Variants in SSH3 observed in about 807,000 individuals in gnomAD.
SSH3 encodes protein phosphatase Slingshot homolog 3.
Under a neutral mutation model 75.0 loss-of-function variants are expected in SSH3, and 67 were observed. The observed-to-expected ratio is 0.89, with a 90% CI of 0.73 to 1.10. SSH3 has a LOEUF of 1.10. Among genes scored for constraint, SSH3 ranks in the 50% least tolerant of loss-of-function variants. The pLI is 0.00. For missense variants in SSH3, 824 were observed against 872.7 expected (o/e 0.94, Z 0.70); for synonymous variants, 318 against 349.2 (o/e 0.91, Z 1.00).
intron 3 of SSH3, among the ~76,000 whole-genome samples, chr11:67,306,242 T>A (rs1484057947): frequency 1.3e-5 from 2 of 151,320 alleles, no homozygotes; most frequent in Non-Finnish European, 1.5e-5. Context: ...TGAGCTGAGA[T>A]TGCGCCACTG....
At position 67,307,041 on chromosome 11, in the gene SSH3, G is replaced by C. The variant is rs1397828465; in HGVS notation, c.465-1G>C. Reference sequence around the variant, plus strand: ...ATGGCTTTCCCTCTGTCCCCTGCCAGCTCCCCCAGCTGCACCCTGGGCCTG... The same window carrying C: ...ATGGCTTTCCCTCTGTCCCCTGCCACCTCCCCCAGCTGCACCCTGGGCCTG... On this transcript the variant is annotated splice_acceptor_variant, in intron 4 of 13. Transcript: ENST00000308127. LOFTEE classifies it high-confidence loss of function. This position sits in a 1 kb window ranked among gnomAD's most constrained non-coding sequence, Gnocchi z 4.2. 3.7e-6 allele frequency: 6 copies of C among 1,613,920 alleles called. No homozygotes were observed. Among genetic ancestry groups the C allele is most frequent in the Non-Finnish European group, 5.1e-6 (6 of 1,179,964 alleles).
Position 67,307,668 on chromosome 11 carries a change from G to C in SSH3, c.722G>C (p.Ser241Thr), listed in dbSNP as rs1861284812. 6.2e-7 allele frequency: 1 copy of C among 1,613,934 alleles called. No individual in the cohort carries two copies. The highest frequency in any genetic ancestry group is 1.3e-5 in the African/African-American group (1 of 74,946). Residue 241 changes from serine (S) to threonine (T), a missense_variant, in exon 7 of 14, where the codon AGC (serine) becomes ACC (threonine). Coordinates refer to ENST00000308127, the MANE Select transcript of SSH3 (RefSeq NM_017857.4). This position sits in a 1 kb window ranked among gnomAD's most constrained non-coding sequence, Gnocchi z 4.2. ...CAGGAGAGACTGAACTCCGAACAGA[G>C]CTGCCTCAATGAGTGGACGGCTATG... ...HYQERLNSEQ[S>T]CLNEWTAMAD...
At chr11:67,309,025 G>A (rs1428210430) in intron 10 of SSH3, among the ~76,000 whole-genome samples, 1 of 152,196 alleles carries the variant, frequency 6.6e-6, no homozygotes. Context: ...GCTCTGACAG[G>A]TACCTGTCAT....
In SSH3 at chr11:67,311,901, C is replaced by T. The variant is rs1214830208; in HGVS notation, c.*14C>T. 3.7e-6 allele frequency: 6 copies of T among 1,604,598 alleles called. No individual in the cohort carries two copies. In the Admixed American group the frequency reaches 1.1e-4, roughly 28 times the overall value. On this transcript the variant is annotated 3_prime_UTR_variant, in exon 14 of 14. Coordinates refer to ENST00000308127, the MANE Select transcript of SSH3 (RefSeq NM_017857.4). ...GGCGAGGCCTGAGCCCTCACACATG[C>T]CCACGCTCCCCTGACACTGAAGAGG...
intron 1 of SSH3, 53 bp downstream of exon 1, chr11:67,303,744 G>A (rs1017321762): frequency 1.6e-5 from 23 of 1,418,066 alleles, no homozygotes; most frequent in Non-Finnish European, 6.4e-6. Flanking sequence ...CCCGGCTTGG[G>A]AGCGCGTCCT....
intron 13 of SSH3, among the ~76,000 whole-genome samples, chr11:67,310,549 G>T (rs970649840): frequency 6.6e-6 from 1 of 152,188 alleles, no homozygotes; most frequent in Non-Finnish European, 1.5e-5. Context: ...AGCACCCGGC[G>T]TCTCCAGCCT....
rs201338624 is a variant in SSH3, at chr11:67,303,683, G to A, written c.58G>A (p.Gly20Arg). ...GGGCAGCGGCGCCTCCACGCCCGTG[G>A]GGCCCTGGGTGAGTGTGGTCCGGCC... Reference protein sequence around the residue: ...PPGSGASTPVGPWDQAVQRRS... With the variant: ...PPGSGASTPVRPWDQAVQRRS... Residue 20 changes from glycine (G) to arginine (R), a missense_variant, in exon 1 of 14, where the codon GGG becomes AGG. Gly to Arg is a moderately radical substitution (Grantham distance 125). Coordinates refer to ENST00000308127, the MANE Select transcript of SSH3 (RefSeq NM_017857.4). 25 of 1,510,434 alleles carry A rather than the reference G, an allele frequency of 1.7e-5. No homozygotes were observed. In the East Asian group the frequency reaches 6.7e-4, roughly 40 times the overall value. The allele number at this position is 1,510,434 out of a possible 1,614,324, so 93.6% of individuals were successfully genotyped here.
Position 67,308,543 on chromosome 11 carries a change from C to G in SSH3, c.1061+85C>G. ...ATTGGGTGGTAGCCAGCTTCAAAAACCCCTGGACCACCCTCAGCAGCTGCT... is the reference window on the plus strand; with the variant it reads ...ATTGGGTGGTAGCCAGCTTCAAAAAGCCCTGGACCACCCTCAGCAGCTGCT... On this transcript the variant is annotated intron_variant, in intron 10 of 13. Coordinates refer to ENST00000308127, the MANE Select transcript of SSH3 (RefSeq NM_017857.4). This position sits in a 1 kb window ranked among gnomAD's most constrained non-coding sequence, Gnocchi z 4.9. 1.3e-6 allele frequency: 2 copies of G among 1,512,124 alleles called. No homozygotes were observed. Among genetic ancestry groups the G allele is most frequent in the Non-Finnish European group, 1.8e-6 (2 of 1,115,326 alleles). 93.7% of individuals were successfully genotyped at this position (1,512,124 alleles called of 1,614,324 possible).
chr11:67,308,568 T>A lies in SSH3; in HGVS notation c.1061+110T>A. On this transcript the variant is annotated intron_variant, in intron 10 of 13. Coordinates refer to ENST00000308127, the MANE Select transcript of SSH3 (RefSeq NM_017857.4). This position sits in a 1 kb window ranked among gnomAD's most constrained non-coding sequence, Gnocchi z 4.9. ...CCCCTGGACCACCCTCAGCAGCTGCTAGCTCTGCTTCTAACTCTGTCCTGG... is the reference window on the plus strand; with the variant it reads ...CCCCTGGACCACCCTCAGCAGCTGCAAGCTCTGCTTCTAACTCTGTCCTGG... 7.3e-7 allele frequency: 1 copy of A among 1,370,302 alleles called. No individual in the cohort carries two copies. The highest frequency in any genetic ancestry group is 1.0e-6 in the Non-Finnish European group (1 of 993,858). The allele number at this position is 1,370,302 out of a possible 1,614,324, so 84.9% of individuals were successfully genotyped here. A position where few individuals can be genotyped will look rare whatever the true frequency, so the allele number is the denominator to read the frequency against.
In SSH3 at chr11:67,304,161, C is replaced by T; in HGVS notation, c.104+6C>T. The T allele has an allele frequency of 1.3e-6, 2 of 1,593,036 alleles. No homozygotes were observed. The highest frequency in any genetic ancestry group is 8.5e-7 in the Non-Finnish European group (1 of 1,171,106). ...AGGAGTCGACTCCAGCGAAGGTGAG[C>T]GCCACCTCCCCCACGCAGACACTTC... On this transcript the variant is annotated splice_donor_region_variant and intron_variant, in intron 2 of 13. Coordinates refer to ENST00000308127, the MANE Select transcript of SSH3 (RefSeq NM_017857.4).
chr11:67,306,802 G>T, intron 3 of SSH3, 36 bp from the exon 4 acceptor site: 1 of 1,583,544 alleles, frequency 6.3e-7, no homozygotes, highest in South Asian at 1.1e-5. Flanking sequence ...GGGTCCTTGG[G>T]GCCACTGTGA....
rs1226672290 is a variant in SSH3, at chr11:67,308,566, G to A, written c.1061+108G>A. 2.1e-6 allele frequency: 3 copies of A among 1,427,442 alleles called. No homozygotes were observed. The highest frequency in any genetic ancestry group is 2.9e-6 in the Non-Finnish European group (3 of 1,045,558). The allele number at this position is 1,427,442 out of a possible 1,614,324, so 88.4% of individuals were successfully genotyped here. On this transcript the variant is annotated intron_variant, in intron 10 of 13. Coordinates refer to ENST00000308127, the MANE Select transcript of SSH3 (RefSeq NM_017857.4). The surrounding 1 kb of genome is among the most constrained non-coding windows in gnomAD (Gnocchi z 4.9). ...AACCCCTGGACCACCCTCAGCAGCT[G>A]CTAGCTCTGCTTCTAACTCTGTCCT...
chr11:67,306,375 G>A (rs1351800540), intron 3 of SSH3, among the ~76,000 whole-genome samples: 1 of 152,086 alleles, frequency 6.6e-6, no homozygotes, highest in African/African-American at 2.4e-5. Flanking sequence ...TGAGAAGGGA[G>A]GATTGCCTGA....
Position 67,309,829 on chromosome 11 carries a change from G to C in SSH3, c.1270G>C (p.Val424Leu), listed in dbSNP as rs762969475. 1.9e-6 allele frequency: 3 copies of C among 1,613,456 alleles called. No homozygotes were observed. Among genetic ancestry groups the C allele is most frequent in the Admixed American group, 3.3e-5 (2 of 60,036 alleles). Residue 424 changes from valine to leucine, a missense_variant, in exon 12 of 14, where the codon GTG becomes CTG. By Grantham distance (32) the Val-to-Leu change is conservative. Coordinates refer to ENST00000308127, the MANE Select transcript of SSH3 (RefSeq NM_017857.4). ...GGGCGTCAGCCGCTCAGCGGCCACA[G>C]TGCTGGCCTATGCCATGAAGCAGTA... is the stretch of plus-strand genomic sequence containing the variant. ...KMGVSRSAAT[V>L]LAYAMKQYEC...
At position 67,307,109 on chromosome 11, in the gene SSH3, G is replaced by A. The variant is rs1431725015; in HGVS notation, c.532G>A (p.Asp178Asn). 6.2e-7 allele frequency: 1 copy of A among 1,613,732 alleles called. No individual in the cohort carries two copies. The highest frequency in any genetic ancestry group is 2.2e-5 in the East Asian group (1 of 44,888). ...WSDTQVYLDG[D>N]GGFSVTSGGQ... ...TGACACCCAGGTGTACTTAGATGGAGACGGGTAAGCAATGGCAACTGGAGG... is the reference window on the plus strand; with the variant it reads ...TGACACCCAGGTGTACTTAGATGGAAACGGGTAAGCAATGGCAACTGGAGG... Residue 178 changes from aspartate to asparagine, a missense_variant, in exon 5 of 14, where the codon GAC becomes AAC. Asp to Asn is a conservative substitution (Grantham distance 23). Transcript: ENST00000308127. This position sits in a 1 kb window ranked among gnomAD's most constrained non-coding sequence, Gnocchi z 4.2.
Position 67,303,577 on chromosome 11 carries a change from G to C in SSH3, c.-49G>C. On this transcript the variant is annotated 5_prime_UTR_variant, in exon 1 of 14. Transcript: ENST00000308127. ...GGTCCAGGACTGTCCGCGGGGTTGA[G>C]GGAAGGGGCCGTGCCCGGTGCCAGC... 5 of 1,509,918 alleles carry C rather than the reference G, an allele frequency of 3.3e-6. No individual in the cohort carries two copies. Among genetic ancestry groups the C allele is most frequent in the Non-Finnish European group, 4.4e-6 (5 of 1,132,736 alleles). The allele number at this position is 1,509,918 out of a possible 1,614,324, so 93.5% of individuals were successfully genotyped here. A position where few individuals can be genotyped will look rare whatever the true frequency, so the allele number is the denominator to read the frequency against.
chr11:67,311,981 C>T lies in SSH3; in HGVS notation c.*94C>T, dbSNP rs1861426206. ...CGTCTGTTGCCGCACACATTCCTCT[C>T]AGCTCCGCCCCATACCCGTCACTAC... is the stretch of plus-strand genomic sequence containing the variant. On this transcript the variant is annotated 3_prime_UTR_variant, in exon 14 of 14. Transcript: ENST00000308127. 6.6e-7 allele frequency: 1 copy of T among 1,519,138 alleles called. No individual in the cohort carries two copies. Among genetic ancestry groups the T allele is most frequent in the African/African-American group, 1.4e-5 (1 of 71,654 alleles). 94.1% of individuals were successfully genotyped at this position (1,519,138 alleles called of 1,614,324 possible).
intron 13 of SSH3, among the ~76,000 whole-genome samples, chr11:67,310,633 G>A (rs975254051): frequency 6.6e-6 from 1 of 152,208 alleles, no homozygotes; most frequent in Non-Finnish European, 1.5e-5. Context: ...TCCAGTGAGG[G>A]CAGGCGGAGG....
chr11:67,306,315 T>C (rs1440469417), intron 3 of SSH3, among the ~76,000 whole-genome samples: 3 of 143,676 alleles, frequency 2.1e-5, no homozygotes, highest in Non-Finnish European at 4.6e-5. Context: ...AAAACCTCCT[T>C]CTTGCTGGGC....
Sources: gnomAD v4.1 joint callset for allele counts (sites outside exome capture counted in the v4.1 genomes callset) on GRCh38, gnomAD v4.1.1 for gene constraint, Gnocchi (gnomAD v3.1) non-coding constraint, MANE v1.5 for transcripts, NCBI Gene and HGNC (gene_info 2026-07-23, HGNC 2026-07-21) for gene names.